Variants in LHFPL3 observed in about 807,000 individuals in gnomAD.
LHFPL3 encodes the protein LHFPL tetraspan subfamily member 3.
Under a neutral mutation model 19.3 loss-of-function variants are expected in LHFPL3, and 5 were observed. That is an observed-to-expected ratio of 0.26 (90% CI 0.14 to 0.54). The LOEUF (loss-of-function observed/expected upper bound fraction) is 0.54. LHFPL3 is among the 20% of genes least tolerant of loss of function. The pLI, the probability that LHFPL3 is intolerant of heterozygous loss-of-function variation, is 0.94. For missense variants in LHFPL3, 249 were observed against 307.4 expected, an observed-to-expected ratio of 0.81 and a Z score of 1.42; for synonymous variants, 133 against 126.2, an observed-to-expected ratio of 1.05 and a Z score of -0.36.
intron 1 of LHFPL3, among the ~76,000 whole-genome samples, chr7:104,430,406 A>ATATGTATATATATATATATATATG (rs1562895153): frequency 2.2e-4 from 7 of 31,396 alleles, no homozygotes; most frequent in African/African-American, 4.2e-4. Flanking sequence ...ATATATATAC[A>ATATGTATATATATATATATATATG]TATATATATA....
chr7:104,782,207 T>C (rs1293995998), intron 2 of LHFPL3, among the ~76,000 whole-genome samples: 1 of 152,198 alleles, frequency 6.6e-6, no homozygotes, highest in Non-Finnish European at 1.5e-5. Flanking sequence ...TTCCTTTCCA[T>C]GCAGCCTCAG....
At chr7:104,639,467 T>A (rs1374710356) in intron 1 of LHFPL3, among the ~76,000 whole-genome samples, 2 of 152,176 alleles carry the variant, frequency 1.3e-5, no homozygotes, top group South Asian at 2.1e-4. Flanking sequence ...AGATCTTCCC[T>A]CTTTTCTTCT....
At chr7:104,665,902 C>G (rs899715009) in intron 1 of LHFPL3, among the ~76,000 whole-genome samples, 2 of 152,048 alleles carry the variant, frequency 1.3e-5, no homozygotes, top group South Asian at 2.1e-4. Context: ...CTGCTCATCT[C>G]TTCTGTCTCT....
intron 1 of LHFPL3, among the ~76,000 whole-genome samples, chr7:104,436,286 G>C (rs946250635): frequency 1.3e-5 from 2 of 152,040 alleles, no homozygotes; most frequent in Admixed American, 6.6e-5. Context: ...AATTGGTCTA[G>C]GCATTTTGCA....
At chr7:104,470,987 T>C (rs1792896615) in intron 1 of LHFPL3, among the ~76,000 whole-genome samples, 1 of 152,196 alleles carries the variant, frequency 6.6e-6, no homozygotes, top group Non-Finnish European at 1.5e-5. Flanking sequence ...CATTGTCTTA[T>C]TGAAGCTTTC....
chr7:104,581,590 G>T (rs1358199220), intron 1 of LHFPL3, among the ~76,000 whole-genome samples: 1 of 151,958 alleles, frequency 6.6e-6, no homozygotes, highest in Non-Finnish European at 1.5e-5. Flanking sequence ...CTCAGATTGT[G>T]AATATGTTTT....
At chr7:104,694,363 A>G (rs1792960895) in intron 1 of LHFPL3, among the ~76,000 whole-genome samples, 1 of 152,226 alleles carries the variant, frequency 6.6e-6, no homozygotes, top group African/African-American at 2.4e-5. Context: ...AAAGGTGGAG[A>G]AACACTGGTC....
At chr7:104,679,036 G>C (rs372488432) in intron 1 of LHFPL3, among the ~76,000 whole-genome samples, 5 of 152,066 alleles carry the variant, frequency 3.3e-5, no homozygotes, top group African/African-American at 4.8e-5. Flanking sequence ...CCAAAACTTC[G>C]CAACTTAAAA....
intron 1 of LHFPL3, among the ~76,000 whole-genome samples, chr7:104,501,576 T>TGATAGTCACTCATGCCTCTTCTG (rs1793598786): frequency 6.6e-6 from 1 of 152,230 alleles, no homozygotes; most frequent in Non-Finnish European, 1.5e-5. Flanking sequence ...TGAGTCATAC[T>TGATAGTCACTCATGCCTCTTCTG]GATAGTCACT....
chr7:104,617,631 A>G (rs1419597986), intron 1 of LHFPL3, among the ~76,000 whole-genome samples: 2 of 152,254 alleles, frequency 1.3e-5, no homozygotes, highest in African/African-American at 4.8e-5. Context: ...CCTGGGTCAC[A>G]AAGACACATA....
chr7:104,342,732 A>C (rs1789981800), intron 1 of LHFPL3, among the ~76,000 whole-genome samples: 1 of 152,198 alleles, frequency 6.6e-6, no homozygotes, highest in South Asian at 2.1e-4. Flanking sequence ...TTTAAGCCTC[A>C]CCAGAATTTT....
At chr7:104,870,463 A>C (rs1391204948) in intron 2 of LHFPL3, among the ~76,000 whole-genome samples, 2 of 152,216 alleles carry the variant, frequency 1.3e-5, no homozygotes, top group Non-Finnish European at 2.9e-5. Context: ...TTCCAGGTGA[A>C]AATGTATGAA....
In LHFPL3 at chr7:104,855,079, C is replaced by T. The variant is rs1791479183; in HGVS notation, c.683-51108C>T. On this transcript the variant is annotated intron_variant, in intron 2 of 2. Coordinates refer to ENST00000424859, the MANE Select transcript of LHFPL3 (RefSeq NM_199000.3). ...ATCCCAGGTTTGCAAATTGAAAAAA[C>T]TTCATTCCTGGCATCAGCAGCCTGT... Among the ~76,000 whole-genome samples the T allele has an allele frequency of 2.0e-5, 3 of 152,174 alleles. No individual in the cohort carries two copies. The South Asian group carries it at 6.2e-4, about 32-fold the overall frequency.
At chr7:104,711,486 G>A (rs1793299111) in intron 1 of LHFPL3, among the ~76,000 whole-genome samples, 2 of 152,210 alleles carry the variant, frequency 1.3e-5, no homozygotes, top group Non-Finnish European at 2.9e-5. Flanking sequence ...TGATGTCCAA[G>A]GCAGGGTGGT....
At chr7:104,681,672 T>G (rs1044447615) in intron 1 of LHFPL3, among the ~76,000 whole-genome samples, 33 of 152,000 alleles carry the variant, frequency 2.2e-4, no homozygotes, top group Non-Finnish European at 8.8e-5. Context: ...ATTATCAAAT[T>G]TAATCCCCCA....
intron 1 of LHFPL3, among the ~76,000 whole-genome samples, chr7:104,596,578 GTCTA>G: frequency 6.6e-6 from 1 of 152,262 alleles, no homozygotes; most frequent in East Asian, 1.9e-4. Context: ...CTCTGTTCCG[GTCTA>G]TCTGTGTGTT....
intron 1 of LHFPL3, among the ~76,000 whole-genome samples, chr7:104,442,130 T>C (rs1792237776): frequency 6.6e-6 from 1 of 152,134 alleles, no homozygotes; most frequent in South Asian, 2.1e-4. Flanking sequence ...GGTTTTGATT[T>C]GCATTTCTCT....
At chr7:104,745,426 A>G (rs558555206) in intron 2 of LHFPL3, among the ~76,000 whole-genome samples, 43 of 152,258 alleles carry the variant, frequency 2.8e-4, no homozygotes, top group Non-Finnish European at 5.4e-4. Context: ...TTAAGCCACT[A>G]TGGTTGAATG....
intron 1 of LHFPL3, among the ~76,000 whole-genome samples, chr7:104,517,980 C>A (rs1255699178): frequency 6.6e-6 from 1 of 152,006 alleles, no homozygotes; most frequent in Admixed American, 6.6e-5. Context: ...CAAAACTGCA[C>A]ATTCTGCACA....
Sources: allele counts gnomAD v4.1 joint callset (sites outside exome capture counted in the v4.1 genomes callset), GRCh38; gene constraint gnomAD v4.1.1; transcripts MANE v1.5; gene names NCBI Gene and HGNC (gene_info 2026-07-23, HGNC 2026-07-21).